Variants in PTPRT observed in about 807,000 individuals in gnomAD.
The protein encoded by PTPRT is receptor-type tyrosine-protein phosphatase T.
In PTPRT, 56 loss-of-function variants were observed where a neutral mutation model predicts 176.8. That is an observed-to-expected ratio of 0.32 (90% CI 0.26 to 0.40). PTPRT has a LOEUF of 0.40. Ranked by LOEUF, PTPRT falls within the 10% of genes least tolerant of loss-of-function variation. The pLI, the probability that PTPRT is intolerant of heterozygous loss-of-function variation, is 1.00. For missense variants in PTPRT, 1,540 were observed against 1,908.2 expected (o/e 0.81, Z 3.60); for synonymous variants, 783 against 739.0 (o/e 1.06, Z -0.96).
At chr20:42,827,852 A>G (rs760447969) in intron 2 of PTPRT, among the ~76,000 whole-genome samples, 3 of 152,192 alleles carry the variant, frequency 2.0e-5, no homozygotes, top group African/African-American at 4.8e-5. Flanking sequence ...CATTATTATA[A>G]GTTTCCTGAG....
chr20:42,087,262 A>G (rs1984065411), intron 27 of PTPRT, among the ~76,000 whole-genome samples: 1 of 151,710 alleles, frequency 6.6e-6, no homozygotes, highest in African/African-American at 2.4e-5. Flanking sequence ...ACGGAGTCTC[A>G]CTCTGTTACC....
rs182388300 is a variant in PTPRT at position 42,106,826 on chromosome 20, C to T, written c.3350G>A (p.Arg1117His). The T allele has an allele frequency of 1.4e-4, 233 of 1,614,140 alleles. No individual in the cohort carries two copies. The highest frequency in any genetic ancestry group is 1.2e-3 in the Admixed American group (74 of 60,024). Residue 1117 changes from arginine to histidine, a missense_variant, in exon 24 of 31, where the codon CGT becomes CAT. By Grantham distance (29) the Arg-to-His change is conservative. Around this residue, in one of 11 missense-constraint regions of PTPRT, gnomAD observed 248 missense variants for 356.7 expected, o/e 0.70. Transcript: ENST00000373187. ...EGVVDIFNCV[R>H]ELRAQRVNLV... ...GTTGACCCTTTGGGCCCGGAGCTCACGCACGCAGTTGAAGATGTCCACCAC... is the reference window on the plus strand; with the variant it reads ...GTTGACCCTTTGGGCCCGGAGCTCATGCACGCAGTTGAAGATGTCCACCAC...
At chr20:42,655,871 G>C (rs6124482) in intron 7 of PTPRT, among the ~76,000 whole-genome samples, 1 of 152,104 alleles carries the variant, frequency 6.6e-6, no homozygotes, top group Admixed American at 6.5e-5. Flanking sequence ...CAGGCATAAG[G>C]ACTTGAAGTT....
At chr20:42,614,663 A>T (rs947473669) in intron 7 of PTPRT, among the ~76,000 whole-genome samples, 1 of 152,174 alleles carries the variant, frequency 6.6e-6, no homozygotes, top group East Asian at 1.9e-4. Context: ...TCCCAAAAGA[A>T]TGTTCTGACC....
chr20:42,677,692 AAAAC>A (rs1203748874), intron 7 of PTPRT, among the ~76,000 whole-genome samples, 170 bp downstream of exon 7: 3 of 152,110 alleles, frequency 2.0e-5, no homozygotes, highest in Admixed American at 6.5e-5. Context: ...GGTCCTCTAA[AAAAC>A]AAACAAACAA....
At chr20:43,016,061 C>T (rs962613123) in intron 1 of PTPRT, among the ~76,000 whole-genome samples, 2 of 152,128 alleles carry the variant, frequency 1.3e-5, no homozygotes, top group Non-Finnish European at 2.9e-5. Context: ...ATCCTGTTCT[C>T]TCCTGAGGAT....
chr20:42,849,754 G>A (rs550688162), intron 2 of PTPRT, among the ~76,000 whole-genome samples: 1 of 152,268 alleles, frequency 6.6e-6, no homozygotes, highest in South Asian at 2.1e-4. Flanking sequence ...GATTACATGA[G>A]ACGATGTGTG....
chr20:42,171,208 T>A (rs953739547), intron 16 of PTPRT, among the ~76,000 whole-genome samples: 1 of 152,126 alleles, frequency 6.6e-6, no homozygotes, highest in African/African-American at 2.4e-5. Context: ...CTGATAAAGC[T>A]AGTCAAGGAT....
At chr20:42,785,623 C>T (rs1379192381) in intron 3 of PTPRT, among the ~76,000 whole-genome samples, 2 of 152,160 alleles carry the variant, frequency 1.3e-5, no homozygotes, top group African/African-American at 4.8e-5. Context: ...GTGTGTATAA[C>T]ATCTCTCTCC....
chr20:42,726,540 G>A (rs2076384063), intron 6 of PTPRT, among the ~76,000 whole-genome samples: 1 of 152,244 alleles, frequency 6.6e-6, no homozygotes, highest in Non-Finnish European at 1.5e-5. Flanking sequence ...CCAGGATTCT[G>A]AGGCCAGATG....
At chr20:42,816,852 A>G (rs908291018) in intron 2 of PTPRT, among the ~76,000 whole-genome samples, 4 of 152,212 alleles carry the variant, frequency 2.6e-5, no homozygotes, top group African/African-American at 7.2e-5. Context: ...TACACTAACC[A>G]ATCATGAAAG....
Position 42,433,478 on chromosome 20 carries a change from G to A in PTPRT, c.1560+14742C>T, listed in dbSNP as rs531053144. ...TGGAAATGACCAGCTGCAGTGCTGT[G>A]CCATGATGAAAGGGATTCTGAGGCC... On this transcript the variant is annotated intron_variant, in intron 9 of 30. Coordinates refer to ENST00000373187, the MANE Select transcript of PTPRT (RefSeq NM_007050.6). Among the ~76,000 whole-genome samples, 4 of 152,238 alleles carry A rather than the reference G, an allele frequency of 2.6e-5. No individual in the cohort carries two copies. The East Asian group carries it at 7.7e-4, about 29-fold the overall frequency.
At chr20:43,030,804 G>A (rs999674753) in intron 1 of PTPRT, among the ~76,000 whole-genome samples, 1 of 152,224 alleles carries the variant, frequency 6.6e-6, no homozygotes, top group South Asian at 2.1e-4. Flanking sequence ...AGTTCACTCT[G>A]GGTAACATGA....
intron 2 of PTPRT, among the ~76,000 whole-genome samples, chr20:42,797,003 T>A (rs1218927001): frequency 6.6e-6 from 1 of 152,248 alleles, no homozygotes; most frequent in Non-Finnish European, 1.5e-5. Context: ...AGTGCGTAGA[T>A]AAGTATCGCT....
chr20:42,773,331 A>T (rs527827104), intron 4 of PTPRT, among the ~76,000 whole-genome samples: 2 of 152,182 alleles, frequency 1.3e-5, no homozygotes, highest in Non-Finnish European at 2.9e-5. Context: ...GGTGCTTGAG[A>T]AGTGGCCTGG....
intron 9 of PTPRT, among the ~76,000 whole-genome samples, chr20:42,408,410 C>A (rs2425494): frequency 0.82 from 125,231 of 152,068 alleles, 51,803 homozygotes; most frequent in Admixed American, 0.86. Flanking sequence ...GTGTCTGTGT[C>A]TATCTTATTT....
chr20:43,135,442 CAGAG>C (rs1197338070), intron 1 of PTPRT, among the ~76,000 whole-genome samples: 2 of 152,122 alleles, frequency 1.3e-5, no homozygotes, highest in African/African-American at 4.8e-5. Context: ...AAAAGAGACA[CAGAG>C]AGAAACTCAG....
intron 9 of PTPRT, among the ~76,000 whole-genome samples, chr20:42,356,216 A>T (rs1406123097): frequency 6.6e-6 from 1 of 152,112 alleles, no homozygotes; most frequent in Non-Finnish European, 1.5e-5. Flanking sequence ...AGCGGGGAAA[A>T]CGGAAGATTT....
chr20:42,586,693 C>A (rs185062598), intron 7 of PTPRT, among the ~76,000 whole-genome samples: 1 of 152,250 alleles, frequency 6.6e-6, no homozygotes, highest in Admixed American at 6.5e-5. Flanking sequence ...CTTCTTATGT[C>A]AAAGAGAGCA....
Sources: gnomAD v4.1 joint callset for allele counts (sites outside exome capture counted in the v4.1 genomes callset) on GRCh38, gnomAD v4.1.1 for gene constraint, gnomAD v4.1.1 regional missense constraint, MANE v1.5 for transcripts, NCBI Gene and HGNC (gene_info 2026-07-23, HGNC 2026-07-21) for gene names.